CPXM2: variants seen among roughly 807,000 people sequenced by gnomAD.
CPXM2 encodes inactive carboxypeptidase-like protein X2.
In CPXM2, 66 loss-of-function variants were observed where a neutral mutation model predicts 86.1. The ratio of observed to expected loss-of-function variants is 0.77; its 90% CI spans 0.63 to 0.94. The LOEUF (loss-of-function observed/expected upper bound fraction) is 0.94. CPXM2 is among the 40% of genes least tolerant of loss of function. CPXM2 has a pLI of 0.00. For missense variants in CPXM2, 948 were observed against 1,026.3 expected, an observed-to-expected ratio of 0.92 and a Z score of 1.04; for synonymous variants, 388 against 400.2, an observed-to-expected ratio of 0.97 and a Z score of 0.36.
In CPXM2 at chr10:123,915,675, T is replaced by C. The variant is rs1311341731; in HGVS notation, n.174+23802A>G. Among the ~76,000 whole-genome samples, 9 of 152,244 alleles carry C rather than the reference T, an allele frequency of 5.9e-5. No individual in the cohort carries two copies. In the East Asian group the frequency reaches 1.3e-3, roughly 23 times the overall value. On this transcript the variant is annotated intron_variant and non_coding_transcript_variant, in intron 2 of 19. Transcript: ENST00000368854. ...GTTGCCTTGTATGATGTCAACTTTC[T>C]TCCTGGTCAATGGCTCCTTATGGAC...
chr10:123,897,258 A>G (rs1945345675), intron 2 of CPXM2, among the ~76,000 whole-genome samples: 1 of 151,922 alleles, frequency 6.6e-6, no homozygotes, highest in African/African-American at 2.4e-5. Flanking sequence ...ACACCTCTGC[A>G]CTTCATTTAA....
rs145048579 is a variant in CPXM2 at position 123,833,518 on chromosome 10, AG to A, written c.653+8830del. ...CTTGGAGGTGCTCAGAGGTAAGATG[AG>A]GCCACCCGGTAAATGAGAGAAGCTT... On this transcript the variant is annotated intron_variant, in intron 4 of 13. Coordinates refer to ENST00000241305, the MANE Select transcript of CPXM2 (RefSeq NM_198148.3). Among the ~76,000 whole-genome samples the A allele has an allele frequency of 7.1e-4, 108 of 152,312 alleles. 3 individuals are homozygous for A. In the East Asian group the frequency reaches 0.014, roughly 20 times the overall value.
chr10:123,846,344 G>A (rs1159638141), intron 3 of CPXM2, among the ~76,000 whole-genome samples: 1 of 152,146 alleles, frequency 6.6e-6, no homozygotes, highest in Non-Finnish European at 1.5e-5. Context: ...TTCTCATAAG[G>A]AGCGCACAAC....
chr10:123,823,008 C>T (rs991977595), intron 4 of CPXM2, among the ~76,000 whole-genome samples: 1 of 152,068 alleles, frequency 6.6e-6, no homozygotes, highest in South Asian at 2.1e-4. Flanking sequence ...AATGGCTGAG[C>T]TATATGGTAG....
intron 4 of CPXM2, among the ~76,000 whole-genome samples, chr10:123,827,029 T>C (rs1848062449): frequency 6.6e-6 from 1 of 152,212 alleles, no homozygotes; most frequent in South Asian, 2.1e-4. Context: ...ATCTAATTAA[T>C]AGACTTGAAG....
At chr10:123,938,693 G>A (rs114789534) in intron 2 of CPXM2, among the ~76,000 whole-genome samples, 2,614 of 152,284 alleles carry the variant, frequency 0.017, 69 homozygotes, top group African/African-American at 0.058. Context: ...TGGCTGCCCG[G>A]CTGGCCAGCG....
chr10:123,938,369 G>A (rs909157015), intron 2 of CPXM2, among the ~76,000 whole-genome samples: 4 of 152,154 alleles, frequency 2.6e-5, no homozygotes, highest in Non-Finnish European at 5.9e-5. Flanking sequence ...GGTGCAGTGC[G>A]GTCTGCAGCT....
At chr10:123,866,958 C>T (rs1944802890) in intron 2 of CPXM2, among the ~76,000 whole-genome samples, 1 of 152,208 alleles carries the variant, frequency 6.6e-6, no homozygotes. Flanking sequence ...ACTCTGACTT[C>T]ACCCTATTTT....
intron 4 of CPXM2, among the ~76,000 whole-genome samples, chr10:123,830,212 A>C (rs1848136288): frequency 6.6e-6 from 1 of 152,204 alleles, no homozygotes; most frequent in African/African-American, 2.4e-5. Context: ...AGTGACAAGA[A>C]AGGGAATAAT....
At chr10:123,765,883 G>C (rs1426858403) in intron 10 of CPXM2, among the ~76,000 whole-genome samples, 1 of 152,214 alleles carries the variant, frequency 6.6e-6, no homozygotes. Context: ...CCTGTCTCCA[G>C]CTCCCTTGAA....
Position 123,798,085 on chromosome 10 carries a change from A to T in CPXM2, c.780T>A (p.Asn260Lys). 6.2e-7 allele frequency: 1 copy of T among 1,610,970 alleles called. No individual in the cohort carries two copies. Among genetic ancestry groups the T allele is most frequent in the Non-Finnish European group, 8.5e-7 (1 of 1,178,180 alleles). The stretch of plus-strand genomic sequence containing the variant: ...GGGCCACCATGGGGACGGGTAGCTC[A>T]TTGAGAACAGGGATCTCCTTCTCAC... ...GNSEKEIPVL[N>K]ELPVPMVARY... is the part of the protein sequence containing the mutation. The change falls in exon 6 of 14, where the codon AAT (asparagine) becomes AAA (lysine). Residue 260 changes from asparagine to lysine, a missense_variant. Transcript: ENST00000241305.
At chr10:123,840,465 T>C (rs1297852572) in intron 4 of CPXM2, among the ~76,000 whole-genome samples, 1 of 152,218 alleles carries the variant, frequency 6.6e-6, no homozygotes, top group Non-Finnish European at 1.5e-5. Context: ...AGAAAAAGTA[T>C]GAAAATGTTT....
intron 6 of CPXM2, among the ~76,000 whole-genome samples, chr10:123,780,818 C>T (rs1426772556): frequency 2.0e-5 from 3 of 152,112 alleles, no homozygotes; most frequent in Non-Finnish European, 4.4e-5. Context: ...ATCTCAAGTC[C>T]CCAGCTCCAG....
intron 2 of CPXM2, among the ~76,000 whole-genome samples, chr10:123,874,047 A>C (rs1213818973): frequency 1.3e-5 from 2 of 151,710 alleles, no homozygotes; most frequent in Non-Finnish European, 2.9e-5. Context: ...TTTAGTAGAG[A>C]TGGGGTTTCA....
intron 10 of CPXM2, among the ~76,000 whole-genome samples, chr10:123,763,182 G>A (rs1846387065): frequency 6.6e-6 from 1 of 152,182 alleles, no homozygotes; most frequent in South Asian, 2.1e-4. Context: ...TGGGACTCCA[G>A]GTGCACACCA....
intron 2 of CPXM2, among the ~76,000 whole-genome samples, chr10:123,878,108 A>G (rs1945017899): frequency 6.6e-6 from 1 of 151,908 alleles, no homozygotes; most frequent in African/African-American, 2.4e-5. Flanking sequence ...TCAGGGTTTG[A>G]GAATGCCCGG....
At chr10:123,880,161 C>CCT in intron 2 of CPXM2, 50 bp downstream of exon 2, 1 of 520,964 alleles carries the variant, frequency 1.9e-6, no homozygotes, top group South Asian at 2.9e-5. Context: ...CCCACCCTCC[C>CCT]TGAACAGGGC....
intron 2 of CPXM2, among the ~76,000 whole-genome samples, chr10:123,919,330 T>A (rs1945562612): frequency 6.6e-6 from 1 of 152,224 alleles, no homozygotes; most frequent in Non-Finnish European, 1.5e-5. Flanking sequence ...TCAGAAGATT[T>A]TAACAGTGCC....
chr10:123,901,999 T>C (rs1331078933), intron 2 of CPXM2, among the ~76,000 whole-genome samples: 1 of 152,222 alleles, frequency 6.6e-6, no homozygotes, highest in Admixed American at 6.5e-5. Context: ...CAGAGAACTT[T>C]TGTGCAGAGT....
Sources: allele counts gnomAD v4.1 joint callset (sites outside exome capture counted in the v4.1 genomes callset), GRCh38; gene constraint gnomAD v4.1.1; transcripts MANE v1.5; gene names NCBI Gene and HGNC (gene_info 2026-07-23, HGNC 2026-07-21).